GRIN2B: variants seen among roughly 807,000 people sequenced by gnomAD.
GRIN2B encodes the protein glutamate receptor ionotropic, NMDA 2B.
GRIN2B carries 5 observed loss-of-function variants against 114.5 expected under a neutral mutation model. The observed-to-expected ratio is 0.04, with a 90% CI of 0.02 to 0.09. The LOEUF is 0.09. GRIN2B is among the 10% of genes least tolerant of loss of function. The probability of loss-of-function intolerance (pLI) is 1.00; values close to 1 mark genes in which losing one functional copy is unlikely to be tolerated. For synonymous variants in GRIN2B, 787 were observed against 745.1 expected, an observed-to-expected ratio of 1.06 and a Z score of -0.92; for missense variants, 1,108 against 1,943.5, an observed-to-expected ratio of 0.57 and a Z score of 8.08.
chr12:13,861,953 G>C (rs148438589), intron 3 of GRIN2B, among the ~76,000 whole-genome samples: 2 of 152,004 alleles, frequency 1.3e-5, no homozygotes, highest in South Asian at 2.1e-4. Flanking sequence ...TTTAATCCTC[G>C]ACAACCCTGT....
intron 3 of GRIN2B, among the ~76,000 whole-genome samples, chr12:13,800,425 A>T (rs1267838707): frequency 6.6e-6 from 1 of 152,162 alleles, no homozygotes; most frequent in African/African-American, 2.4e-5. Context: ...AACTGACATT[A>T]TCCAAACTCC....
Position 13,541,268 on chromosome 12 carries a change from A to T in GRIN2B, c.*21515T>A, listed in dbSNP as rs1191520335. The T allele has an allele frequency of 6.6e-6, 1 of 152,220 alleles. No homozygotes were observed. The highest frequency in any genetic ancestry group is 2.4e-5 in the African/African-American group (1 of 41,448). 9.4% of individuals were successfully genotyped at this position (152,220 alleles called of 1,614,324 possible). A position where few individuals can be genotyped will look rare whatever the true frequency, so the allele number is the denominator to read the frequency against. ...TTAATGCTGGGATAGTCACTGGGTA[A>T]CAAAGCTCCCATAAATCTATTCCCT... On this transcript the variant is annotated 3_prime_UTR_variant, in exon 14 of 14. Coordinates refer to ENST00000609686, the MANE Select transcript of GRIN2B (RefSeq NM_000834.5).
intron 3 of GRIN2B, among the ~76,000 whole-genome samples, chr12:13,850,064 G>A (rs1478363853): frequency 6.6e-6 from 1 of 152,166 alleles, no homozygotes; most frequent in African/African-American, 2.4e-5. Context: ...AGGGTGCTGA[G>A]GGGGACAATG....
chr12:13,733,185 T>A (rs951907520), intron 4 of GRIN2B, among the ~76,000 whole-genome samples: 14 of 152,064 alleles, frequency 9.2e-5, no homozygotes, highest in African/African-American at 3.4e-4. Flanking sequence ...AGAAAACCAG[T>A]GGAGGACAAG....
At chr12:13,702,561 G>A (rs911490691) in intron 4 of GRIN2B, among the ~76,000 whole-genome samples, 3 of 151,624 alleles carry the variant, frequency 2.0e-5, no homozygotes, top group African/African-American at 7.3e-5. Flanking sequence ...TAAGCATTAC[G>A]ATTTGAACAC....
In GRIN2B at chr12:13,551,774, T is replaced by C. The variant is rs1213845310; in HGVS notation, c.*11009A>G. 2.0e-5 allele frequency: 3 copies of C among 152,156 alleles called. No individual in the cohort carries two copies. Among genetic ancestry groups the C allele is most frequent in the Non-Finnish European group, 2.9e-5 (2 of 68,016 alleles). The allele number at this position is 152,156 out of a possible 1,614,324, so 9.4% of individuals were successfully genotyped here. On this transcript the variant is annotated 3_prime_UTR_variant, in exon 14 of 14. Transcript: ENST00000609686. ...AGCAAAGTATAAACTACTGAGAGTA[T>C]AACTCAGCCAGAGGCAACCTAATGG...
chr12:13,624,304 C>A (rs1262495979), intron 5 of GRIN2B, among the ~76,000 whole-genome samples: 1 of 151,688 alleles, frequency 6.6e-6, no homozygotes, highest in Non-Finnish European at 1.5e-5. Flanking sequence ...CACTGCACAC[C>A]CTCCACAAAG....
At chr12:13,765,476 G>A (rs1863764543) in intron 3 of GRIN2B, among the ~76,000 whole-genome samples, 1 of 152,220 alleles carries the variant, frequency 6.6e-6, no homozygotes, top group South Asian at 2.1e-4. Flanking sequence ...CTTGGTGGAA[G>A]GCACATGATA....
At chr12:13,759,184 T>G (rs1342344173) in intron 3 of GRIN2B, among the ~76,000 whole-genome samples, 2 of 151,814 alleles carry the variant, frequency 1.3e-5, no homozygotes, top group Non-Finnish European at 2.9e-5. Context: ...ATTTTTTTTG[T>G]ATTTTTAGTA....
intron 2 of GRIN2B, among the ~76,000 whole-genome samples, chr12:13,953,715 C>T (rs1490245529): frequency 6.6e-6 from 1 of 152,198 alleles, no homozygotes; most frequent in East Asian, 1.9e-4. Flanking sequence ...GCAGCCACCA[C>T]TTGTTCCATT....
chr12:13,910,034 T>C (rs1183647136), intron 2 of GRIN2B, among the ~76,000 whole-genome samples: 1 of 152,226 alleles, frequency 6.6e-6, no homozygotes, highest in African/African-American at 2.4e-5. Flanking sequence ...AGGAATGGGC[T>C]TGACTATGTT....
At chr12:13,894,750 G>A (rs1210274044) in intron 2 of GRIN2B, among the ~76,000 whole-genome samples, 2 of 152,124 alleles carry the variant, frequency 1.3e-5, no homozygotes, top group African/African-American at 4.8e-5. Flanking sequence ...CAGAGAAACA[G>A]ATTAATGGAG....
rs1017512665 is a variant in GRIN2B, at chr12:13,557,395, C to G, written c.*5388G>C. On this transcript the variant is annotated 3_prime_UTR_variant, in exon 14 of 14. Transcript: ENST00000609686. ...GGAGGTGGAAAGTATAGGATATAGA[C>G]CAACTCAGCTAATTGGAAGATTAAT... 6.6e-6 allele frequency: 1 copy of G among 152,148 alleles called. No individual in the cohort carries two copies. The highest frequency in any genetic ancestry group is 1.5e-5 in the Non-Finnish European group (1 of 68,020). 9.4% of individuals were successfully genotyped at this position (152,148 alleles called of 1,614,324 possible). A position where few individuals can be genotyped will look rare whatever the true frequency, so the allele number is the denominator to read the frequency against.
intron 10 of GRIN2B, among the ~76,000 whole-genome samples, chr12:13,580,606 G>A (rs1948834728): frequency 6.6e-6 from 1 of 152,186 alleles, no homozygotes; most frequent in African/African-American, 2.4e-5. Flanking sequence ...CTAATTATGA[G>A]GAGGTGGCAG....
chr12:13,808,536 T>G (rs1032960963), intron 3 of GRIN2B, among the ~76,000 whole-genome samples: 1 of 151,496 alleles, frequency 6.6e-6, no homozygotes, highest in Non-Finnish European at 1.5e-5. Flanking sequence ...TAGGTGGGAA[T>G]TGAACAAGGA....
chr12:13,730,133 A>C (rs1348257079), intron 4 of GRIN2B, among the ~76,000 whole-genome samples: 1 of 152,156 alleles, frequency 6.6e-6, no homozygotes, highest in East Asian at 1.9e-4. Context: ...TGCCATCCCC[A>C]GGCTGGGGTC....
intron 10 of GRIN2B, among the ~76,000 whole-genome samples, chr12:13,592,157 A>G (rs1949016683): frequency 6.6e-6 from 1 of 152,164 alleles, no homozygotes; most frequent in African/African-American, 2.4e-5. Context: ...GGGCCATTGT[A>G]GGAGGACAGG....
At chr12:13,701,043 A>T (rs959120288) in intron 4 of GRIN2B, among the ~76,000 whole-genome samples, 1 of 152,216 alleles carries the variant, frequency 6.6e-6, no homozygotes, top group Non-Finnish European at 1.5e-5. Context: ...GTGAAGGGGA[A>T]ACGAGGCACC....
intron 4 of GRIN2B, among the ~76,000 whole-genome samples, chr12:13,689,730 G>A (rs1023275385): frequency 6.6e-6 from 1 of 152,102 alleles, no homozygotes; most frequent in Non-Finnish European, 1.5e-5. Context: ...CTCAGCAAAG[G>A]ATCTCTACAC....
Sources: gnomAD v4.1 joint callset for allele counts (sites outside exome capture counted in the v4.1 genomes callset) on GRCh38, gnomAD v4.1.1 for gene constraint, MANE v1.5 for transcripts, NCBI Gene and HGNC (gene_info 2026-07-23, HGNC 2026-07-21) for gene names.